The following HUWE1 variants were observed in gnomAD, a reference collection of about 807,000 sequenced individuals.
HUWE1 encodes the protein HECT, UBA and WWE domain containing E3 ubiquitin protein ligase 1.
A neutral mutation model predicts 299.4 loss-of-function variants in HUWE1; 18 were observed. The ratio of observed to expected loss-of-function variants is 0.06; its 90% confidence interval spans 0.04 to 0.09. The LOEUF is 0.09. Ranked by LOEUF, HUWE1 falls within the 10% of genes least tolerant of loss-of-function variation. The pLI, the probability that HUWE1 is intolerant of heterozygous loss-of-function variation, is 1.00. For missense variants in HUWE1, 1,832 were observed against 3,462.3 expected (o/e 0.53, Z 11.82); for synonymous variants, 1,317 against 1,286.1 (o/e 1.02, Z -0.51).
At chrX:53,674,603 A>T (rs1337120593) in intron 3 of HUWE1, among the ~76,000 whole-genome samples, 1 of 112,154 alleles carries the variant, frequency 8.9e-6, no homozygotes, top group Non-Finnish European at 1.9e-5. Context: ...GAATTCATGA[A>T]GTACTTTTCA....
rs1012962799 is a variant in HUWE1, at chrX:53,628,593, T to G, written c.1142A>C (p.Gln381Pro). The change falls in exon 15 of 84, where the codon CAG becomes CCG. Residue 381 changes from glutamine to proline, a missense_variant. Physicochemically the swap from Gln to Pro is moderately conservative, Grantham distance 76. Transcript: ENST00000262854. Reference sequence around the variant, plus strand: ...AAAAGAGAAGAGAGCAGTGGCAAACTGGTGAGGGTATGGATCCATGGAAGG... The same window carrying G: ...AAAAGAGAAGAGAGCAGTGGCAAACGGGTGAGGGTATGGATCCATGGAAGG... ...IDPSMDPYPHQFATALFSFLY... is the reference protein window; with the variant it reads ...IDPSMDPYPHPFATALFSFLY... 8.6e-7 allele frequency: 1 copy of G among 1,167,928 alleles called. No individual in the cohort carries two copies. Among genetic ancestry groups the G allele is most frequent in the Admixed American group, 2.6e-5 (1 of 38,876 alleles).
chrX:53,632,412 G>T, intron 9 of HUWE1, 75 bp downstream of exon 9: 1 of 732,445 alleles, frequency 1.4e-6, no homozygotes, highest in Middle Eastern at 2.9e-4. Context: ...TCATTTAACT[G>T]AGGAGTTCTA....
In HUWE1 at chrX:53,547,920, A is replaced by G; in HGVS notation, c.10389T>C (p.Ala3463=). The change falls in exon 68 of 84, where the codon GCT becomes GCC. Residue 3463 remains alanine, a synonymous_variant. Coordinates refer to ENST00000262854, the MANE Select transcript of HUWE1 (RefSeq NM_031407.7). ...CTTCTGACACCTTGTTTTCTGGGAG[A>G]GCAATTGAGATGAGAGAAAGGAGTC... ...LLRLLSLISI[A]LPENKVSEAQ... is the part of the protein sequence containing the mutation. 3.3e-6 allele frequency: 4 copies of G among 1,210,558 alleles called. No individual in the cohort carries two copies. Among genetic ancestry groups the G allele is most frequent in the Non-Finnish European group, 4.5e-6 (4 of 895,144 alleles).
chrX:53,589,903 C>T (rs2064061924), intron 35 of HUWE1, 87 bp from the exon 36 acceptor site: 1 of 968,353 alleles, frequency 1.0e-6, no homozygotes. Flanking sequence ...TTTTGCTCTA[C>T]CATATGATTA....
chrX:53,570,099 T>A (rs1336381168), intron 47 of HUWE1, among the ~76,000 whole-genome samples: 1 of 112,489 alleles, frequency 8.9e-6, no homozygotes, highest in African/African-American at 3.2e-5. Context: ...AAACATTTTT[T>A]AAAAACTTTA....
At chrX:53,650,332 A>G (rs961052841) in intron 4 of HUWE1, among the ~76,000 whole-genome samples, 3 of 111,958 alleles carry the variant, frequency 2.7e-5, no homozygotes, top group Non-Finnish European at 3.8e-5. Context: ...GGATATCCCA[A>G]TATTTCCCAA....
rs1266234878 is a variant in HUWE1, at chrX:53,680,031, A to G, written c.-25+18T>C. ...AAGTAAAATACAAATACTTCCCACA[A>G]GATTTACAAAAACTAACCTAAAATC... On this transcript the variant is annotated intron_variant, in intron 3 of 83. Coordinates refer to ENST00000262854, the MANE Select transcript of HUWE1 (RefSeq NM_031407.7). The G allele has an allele frequency of 3.4e-6, 1 of 295,463 alleles. No homozygotes were observed. Among genetic ancestry groups the G allele is most frequent in the Non-Finnish European group, 5.9e-6 (1 of 169,964 alleles). The allele number at this position is 295,463 out of a possible 1,213,427, so 24.3% of individuals were successfully genotyped here.
chrX:53,557,557 T>C (rs2062079314), intron 59 of HUWE1, 130 bp from the exon 60 acceptor site: 2 of 548,761 alleles, frequency 3.6e-6, no homozygotes, highest in East Asian at 3.5e-5. Context: ...GCTTTGGCCA[T>C]GTGACCAAAG....
At chrX:53,624,012 G>A (rs953254140) in intron 19 of HUWE1, among the ~76,000 whole-genome samples, 1 of 112,508 alleles carries the variant, frequency 8.9e-6, no homozygotes, top group East Asian at 2.8e-4. Flanking sequence ...ACTACTTATC[G>A]AAGGTATATT....
intron 3 of HUWE1, among the ~76,000 whole-genome samples, chrX:53,659,725 T>C (rs1213742134): frequency 8.0e-5 from 9 of 111,857 alleles, no homozygotes; most frequent in Non-Finnish European, 1.9e-5. Context: ...ATTAATCAAT[T>C]GTAACAAGTG....
rs2064743320 is a variant in HUWE1, at chrX:53,600,104, G to C, written c.3163+14C>G. On this transcript the variant is annotated intron_variant, in intron 29 of 83. Transcript: ENST00000262854. ...TGAAAGCCAGAAAAGGTAGGAGAAA[G>C]GAGAATGACTCACCTGATAACAAAG... 8.3e-7 allele frequency: 1 copy of C among 1,200,320 alleles called. No homozygotes were observed. Among genetic ancestry groups the C allele is most frequent in the African/African-American group, 1.7e-5 (1 of 57,676 alleles).
intron 43 of HUWE1, among the ~76,000 whole-genome samples, chrX:53,580,505 A>G (rs1384097965): frequency 8.9e-6 from 1 of 112,207 alleles, no homozygotes; most frequent in Non-Finnish European, 1.9e-5. Context: ...TACACGAGAC[A>G]TACATCCATT....
chrX:53,649,092 C>T (rs1233830327), intron 4 of HUWE1, among the ~76,000 whole-genome samples: 1 of 112,008 alleles, frequency 8.9e-6, no homozygotes, highest in Non-Finnish European at 1.9e-5. Context: ...GTACAGCATC[C>T]TGGGAATGGA....
At chrX:53,676,487 A>T (rs932791919) in intron 3 of HUWE1, among the ~76,000 whole-genome samples, 1 of 112,154 alleles carries the variant, frequency 8.9e-6, no homozygotes, top group Non-Finnish European at 1.9e-5. Flanking sequence ...GAAAGAGAAA[A>T]GTGGAACTTG....
In HUWE1 at chrX:53,603,150, C is replaced by T. The variant is rs144289730; in HGVS notation, c.2876+218G>A. ...ACAGGCGTGAGCCACCGTGTCCAGC[C>T]ACAACTCAATTTTTTGTATCTGGCT... On this transcript the variant is annotated intron_variant, in intron 27 of 83. Transcript: ENST00000262854. Among the ~76,000 whole-genome samples the T allele has an allele frequency of 0.011, 1,208 of 111,640 alleles. 22 individuals carry two copies. Among genetic ancestry groups the T allele is most frequent in the African/African-American group, 0.038 (1,161 of 30,690 alleles).
chrX:53,540,843 C>T (rs1556917966), intron 74 of HUWE1, among the ~76,000 whole-genome samples: 1 of 111,633 alleles, frequency 9.0e-6, no homozygotes, highest in African/African-American at 3.3e-5. Flanking sequence ...TCCCCATACA[C>T]CTGGCCCTGC....
intron 23 of HUWE1, among the ~76,000 whole-genome samples, chrX:53,611,188 TAAAA>T (rs1204862205): frequency 1.6e-5 from 1 of 60,821 alleles, no homozygotes. Flanking sequence ...GCTGATTTTG[TAAAA>T]AAAAAAAAAA....
intron 74 of HUWE1, among the ~76,000 whole-genome samples, chrX:53,540,414 C>T (rs2061288735): frequency 3.6e-5 from 4 of 110,658 alleles, no homozygotes; most frequent in Admixed American, 9.6e-5. Context: ...CTGCAACCTC[C>T]GCCTCCTGGG....
chrX:53,562,318 T>C, intron 53 of HUWE1, 74 bp from the exon 54 acceptor site: 1 of 1,143,061 alleles, frequency 8.7e-7, no homozygotes. Context: ...GCCAGCAGGC[T>C]GAGTGGGAAG....
Sources: gnomAD v4.1 joint callset for allele counts (sites outside exome capture counted in the v4.1 genomes callset) on GRCh38, gnomAD v4.1.1 for gene constraint, MANE v1.5 for transcripts, NCBI Gene and HGNC (gene_info 2026-07-23, HGNC 2026-07-21) for gene names.